SLC43A2: variants seen among roughly 807,000 people sequenced by gnomAD.
SLC43A2 encodes the protein solute carrier family 43 member 2, also known as large neutral amino acids transporter small subunit 4.
In SLC43A2, 38 loss-of-function variants were observed where a neutral mutation model predicts 63.2. That is an observed-to-expected ratio of 0.60 (90% CI 0.46 to 0.79). The LOEUF (loss-of-function observed/expected upper bound fraction) is 0.79, where lower values mean the gene tolerates loss of function less well. Ranked by LOEUF, SLC43A2 falls within the 30% of genes least tolerant of loss-of-function variation. The pLI is 0.00. For synonymous variants in SLC43A2, 322 were observed against 331.0 expected (o/e 0.97, Z 0.30); for missense variants, 644 against 756.2 (o/e 0.85, Z 1.74).
At chr17:1,617,959 G>A (rs966641901) in intron 2 of SLC43A2, among the ~76,000 whole-genome samples, 1 of 152,364 alleles carries the variant, frequency 6.6e-6, no homozygotes. Context: ...GACTAATCCT[G>A]CAGAAAACAG....
intron 10 of SLC43A2, 88 bp downstream of exon 10, chr17:1,585,825 C>A: frequency 6.2e-7 from 1 of 1,606,136 alleles, no homozygotes; most frequent in South Asian, 1.1e-5. Context: ...TCCCTCTGTC[C>A]CACCCACCCT....
chr17:1,589,631 T>C (rs1219773824), intron 9 of SLC43A2, among the ~76,000 whole-genome samples: 1 of 152,160 alleles, frequency 6.6e-6, no homozygotes, highest in Non-Finnish European at 1.5e-5. Context: ...ATATTTTTTT[T>C]TCTTTTGAGA....
chr17:1,627,188 A>C (rs1372007354), intron 2 of SLC43A2, among the ~76,000 whole-genome samples: 1 of 152,144 alleles, frequency 6.6e-6, no homozygotes, highest in Non-Finnish European at 1.5e-5. Context: ...AAGGCAGCAA[A>C]AATAGACAAG....
At chr17:1,582,982 G>A (rs1567612503) in intron 11 of SLC43A2, among the ~76,000 whole-genome samples, 1 of 152,306 alleles carries the variant, frequency 6.6e-6, no homozygotes, top group East Asian at 1.9e-4. Flanking sequence ...GGGAGGCTGA[G>A]GCAGGAGAAT....
chr17:1,607,601 G>A (rs1906733683), intron 5 of SLC43A2, among the ~76,000 whole-genome samples: 1 of 152,224 alleles, frequency 6.6e-6, no homozygotes, highest in Non-Finnish European at 1.5e-5. Context: ...ACCAGAGGGT[G>A]TGGGTGTGAA....
chr17:1,602,420 C>T (rs535631923), intron 5 of SLC43A2, among the ~76,000 whole-genome samples: 10 of 152,066 alleles, frequency 6.6e-5, no homozygotes, highest in African/African-American at 9.7e-5. Context: ...CCGAGGCAAG[C>T]GGATCACCTG....
intron 5 of SLC43A2, among the ~76,000 whole-genome samples, chr17:1,595,102 G>A (rs532866891): frequency 4.6e-5 from 7 of 151,936 alleles, no homozygotes; most frequent in South Asian, 4.2e-4. Flanking sequence ...CAAACATGGC[G>A]AAACCCTGTC....
rs1490993721 is a variant in SLC43A2 at position 1,572,279 on chromosome 17, G to C, written c.*3325C>G. The C allele has an allele frequency of 1.7e-5, 2 of 117,290 alleles. No individual in the cohort carries two copies. The highest frequency in any genetic ancestry group is 3.2e-5 in the African/African-American group (1 of 31,274). The allele number at this position is 117,290 out of a possible 1,614,324, so 7.3% of individuals were successfully genotyped here. The stretch of plus-strand genomic sequence containing the variant: ...ACAGAGGCCCCCCCCCCGCCACAGA[G>C]GTCCCCCCTGCCACAGAGGTCCCCC... On this transcript the variant is annotated 3_prime_UTR_variant, in exon 14 of 14. Coordinates refer to ENST00000301335, the MANE Select transcript of SLC43A2 (RefSeq NM_152346.3).
Position 1,583,255 on chromosome 17 carries a change from C to T in SLC43A2, c.1299G>A (p.Leu433=), listed in dbSNP as rs1675104977. 5 of 1,614,168 alleles carry T rather than the reference C, an allele frequency of 3.1e-6. No individual in the cohort carries two copies. The highest frequency in any genetic ancestry group is 3.4e-6 in the Non-Finnish European group (4 of 1,180,036). Residue 433 remains leucine, a synonymous_variant, in exon 11 of 14, where the codon CTG becomes CTA. Transcript: ENST00000301335. This position sits in a 1 kb window ranked among gnomAD's most constrained non-coding sequence, Gnocchi z 5.5. The stretch of plus-strand genomic sequence containing the variant: ...AGGTCACCCCAAAGCCCACGAGCAG[C>T]AGGTTGGTGAAGGCGAAGGCCCGCA... The part of the protein sequence containing the change: ...NAMRAFAFTN[L]LLVGFGVTCL...
At chr17:1,604,856 TC>T (rs1906439494) in intron 5 of SLC43A2, 2 of 1,535,464 alleles carry the variant, frequency 1.3e-6, no homozygotes. Context: ...CTCCCCACAT[TC>T]CCCCTCTCGC....
At position 1,593,926 on chromosome 17, in the gene SLC43A2, G is replaced by A. The variant is rs1165300358; in HGVS notation, c.502-647C>T. Among the ~76,000 whole-genome samples, 3 of 151,968 alleles carry A rather than the reference G, an allele frequency of 2.0e-5. No individual in the cohort carries two copies. The highest frequency in any genetic ancestry group is 2.9e-5 in the Non-Finnish European group (2 of 68,002). On this transcript the variant is annotated intron_variant, in intron 5 of 13. Coordinates refer to ENST00000301335, the MANE Select transcript of SLC43A2 (RefSeq NM_152346.3). The surrounding 1 kb of genome is among the most constrained non-coding windows in gnomAD (Gnocchi z 5.3). ...GTGAGCTCGGCTCGTTGCAACCTCC[G>A]CCTCCCTGGTTCAAGTGATTCTCCT...
In SLC43A2 at chr17:1,590,849, G is replaced by T; in HGVS notation, c.1031C>A (p.Ala344Asp). ...TQLRLIFYMGAMNNILKFLVS... is the reference protein window; with the variant it reads ...TQLRLIFYMGDMNNILKFLVS... Reference sequence around the variant, plus strand: ...CAGGAACTTGAGGATGTTGTTCATAGCCCCCATGTAGAAGATGAGCCGCAG... The same window carrying T: ...CAGGAACTTGAGGATGTTGTTCATATCCCCCATGTAGAAGATGAGCCGCAG... Residue 344 changes from alanine (A) to aspartate (D), a missense_variant, in exon 9 of 14, where the codon GCT (alanine) becomes GAT (aspartate). Physicochemically the swap from Ala to Asp is moderately radical, Grantham distance 126. This residue lies in a region of SLC43A2 where 528 missense variants were observed against 623.6 expected (regional missense o/e 0.85). Coordinates refer to ENST00000301335, the MANE Select transcript of SLC43A2 (RefSeq NM_152346.3). The T allele has an allele frequency of 6.4e-7, 1 of 1,556,104 alleles. No homozygotes were observed. The highest frequency in any genetic ancestry group is 8.7e-7 in the Non-Finnish European group (1 of 1,148,984).
chr17:1,580,846 T>C (rs1449145402), intron 11 of SLC43A2, among the ~76,000 whole-genome samples: 2 of 151,882 alleles, frequency 1.3e-5, no homozygotes, highest in Non-Finnish European at 2.9e-5. Context: ...GCCGAGATTC[T>C]CCCACCTCAG....
Position 1,575,370 on chromosome 17 carries a change from G to T in SLC43A2, c.*234C>A. 1.7e-6 allele frequency: 1 copy of T among 572,106 alleles called. No individual in the cohort carries two copies. The highest frequency in any genetic ancestry group is 3.2e-5 in the East Asian group (1 of 31,020). The allele number at this position is 572,106 out of a possible 1,614,324, so 35.4% of individuals were successfully genotyped here. ...GACCCCAGGCCCCGGGTCCCCGGGG[G>T]GCGGCAGAGCAAAGTCAGGGCAGCC... On this transcript the variant is annotated 3_prime_UTR_variant, in exon 14 of 14. Transcript: ENST00000301335.
chr17:1,590,322 C>T (rs1904624583), intron 9 of SLC43A2, among the ~76,000 whole-genome samples: 2 of 152,112 alleles, frequency 1.3e-5, no homozygotes, highest in South Asian at 4.2e-4. Flanking sequence ...CTGCCCTGCC[C>T]TGTTTCTCGG....
Position 1,616,754 on chromosome 17 carries a change from CCATTGGTGA to C in SLC43A2, c.167_175del (p.Val56_Asn58del). 6.2e-7 allele frequency: 1 copy of C among 1,613,898 alleles called. No individual in the cohort carries two copies. Among genetic ancestry groups the C allele is most frequent in the East Asian group, 2.2e-5 (1 of 44,878 alleles). On this transcript the variant is annotated inframe_deletion, in exon 3 of 14. Transcript: ENST00000301335. ...CGGCTCTGCTGTGCCGCCCACTGTGCCATTGGTGACATTCTCTGTGTGAAGAGGGAAGGA... is the reference window on the plus strand; with the variant it reads ...CGGCTCTGCTGTGCCGCCCACTGTGCCATTCTCTGTGTGAAGAGGGAAGGA...
Position 1,574,953 on chromosome 17 carries a change from C to G in SLC43A2, c.*651G>C, listed in dbSNP as rs554639420. 1 of 153,610 alleles carries G rather than the reference C, an allele frequency of 6.5e-6. No homozygotes were observed. 9.5% of individuals were successfully genotyped at this position (153,610 alleles called of 1,614,324 possible). On this transcript the variant is annotated 3_prime_UTR_variant, in exon 14 of 14. Coordinates refer to ENST00000301335, the MANE Select transcript of SLC43A2 (RefSeq NM_152346.3). ...AAAACGTGTCCGCGGCATTGGCCCT[C>G]GGGGAGGAGGCGAGGGGTCCACCCA... is the stretch of plus-strand genomic sequence containing the variant.
intron 5 of SLC43A2, among the ~76,000 whole-genome samples, chr17:1,595,150 A>G (rs373320580): frequency 4.7e-4 from 72 of 152,050 alleles, no homozygotes; most frequent in Admixed American, 1.0e-3. Context: ...ATGTGGTGGC[A>G]GGCGCCTATA....
rs905987614 is a variant in SLC43A2 at position 1,587,028 on chromosome 17, C to T, written c.1079-977G>A. ...GTTAGTGGCAGAAATCTCAGTGCTA[C>T]AGAGAGATGGGAGAGGAGGCAGGCT... On this transcript the variant is annotated intron_variant, in intron 9 of 13. Transcript: ENST00000301335. The T allele has an allele frequency of 4.8e-6, 7 of 1,451,080 alleles. No individual in the cohort carries two copies. The African/African-American group carries it at 9.9e-5, about 20-fold the overall frequency. 89.9% of individuals were successfully genotyped at this position (1,451,080 alleles called of 1,614,324 possible).
Sources: allele counts gnomAD v4.1 joint callset (sites outside exome capture counted in the v4.1 genomes callset), GRCh38; gene constraint gnomAD v4.1.1; regional missense constraint gnomAD v4.1.1; non-coding constraint Gnocchi (gnomAD v3.1); transcripts MANE v1.5; gene names NCBI Gene and HGNC (gene_info 2026-07-23, HGNC 2026-07-21).